FBXO40: variants seen among roughly 807,000 people sequenced by gnomAD.
FBXO40 encodes the protein F-box only protein 40.
In FBXO40, 50 loss-of-function variants were observed where a neutral mutation model predicts 49.9. The observed-to-expected ratio is 1.00, with a 90% CI of 0.80 to 1.27. FBXO40 has a LOEUF of 1.27. Among genes scored for constraint, FBXO40 ranks in the 50% most tolerant of loss-of-function variants. FBXO40 has a pLI of 0.00. For missense variants in FBXO40, 895 were observed against 870.1 expected (o/e 1.03, Z -0.36); for synonymous variants, 340 against 320.2 (o/e 1.06, Z -0.66).
intron 1 of FBXO40, among the ~76,000 whole-genome samples, chr3:121,611,283 T>A (rs6783545): frequency 0.7 from 105,763 of 152,100 alleles, 37,201 homozygotes; most frequent in East Asian, 0.83. Context: ...CTCAGTTTTT[T>A]CTGATTATTA....
chr3:121,617,367 G>A (rs376694427), intron 1 of FBXO40, among the ~76,000 whole-genome samples: 7 of 151,004 alleles, frequency 4.6e-5, no homozygotes, highest in Admixed American at 1.3e-4. Flanking sequence ...AGGCTGAGGC[G>A]GGCGGATCAC....
intron 1 of FBXO40, among the ~76,000 whole-genome samples, chr3:121,617,754 C>T (rs1274611972): frequency 1.3e-5 from 2 of 152,156 alleles, no homozygotes; most frequent in South Asian, 2.1e-4. Context: ...AATCTCAGCA[C>T]TTTTGGAGGC....
chr3:121,610,140 T>C (rs774503961), intron 1 of FBXO40, among the ~76,000 whole-genome samples: 14 of 152,318 alleles, frequency 9.2e-5, no homozygotes, highest in Non-Finnish European at 1.2e-4. Flanking sequence ...CAGGGCACAG[T>C]GGCTCGGAGG....
At chr3:121,594,921 G>A (rs548358367) in intron 1 of FBXO40, among the ~76,000 whole-genome samples, 9 of 152,252 alleles carry the variant, frequency 5.9e-5, no homozygotes, top group South Asian at 4.1e-4. Context: ...ATAGTTTCTC[G>A]CTTCTGGAAT....
chr3:121,619,301 G>C (rs757002320), intron 1 of FBXO40, among the ~76,000 whole-genome samples: 1 of 151,856 alleles, frequency 6.6e-6, no homozygotes, highest in Non-Finnish European at 1.5e-5. Context: ...GAGCCATTGC[G>C]CCTGGCCAAA....
chr3:121,594,355 C>T (rs1337410489), intron 1 of FBXO40, among the ~76,000 whole-genome samples: 1 of 151,824 alleles, frequency 6.6e-6, no homozygotes, highest in African/African-American at 2.4e-5. Flanking sequence ...CCTGTGCCAC[C>T]ACGCCTGGCT....
Position 121,623,109 on chromosome 3 carries a change from C to T in FBXO40, c.1680C>T (p.Asn560=). Residue 560 remains asparagine, a synonymous_variant, in exon 3 of 4, where the codon AAC becomes AAT. Coordinates refer to ENST00000338040, the MANE Select transcript of FBXO40 (RefSeq NM_016298.4). ...AGCTGAGCGAGGGAAGGAAGAACAA[C>T]CATCTTTTGGGTCATGGAGGAAAAA... ...APELSEGRKN[N]HLLGHGGKSQ... The T allele has an allele frequency of 1.2e-6, 2 of 1,614,228 alleles. No individual in the cohort carries two copies. Among genetic ancestry groups the T allele is most frequent in the Non-Finnish European group, 1.7e-6 (2 of 1,180,038 alleles).
chr3:121,619,147 G>GC lies in FBXO40; in HGVS notation c.-30-1398dup, dbSNP rs200641478. Among the ~76,000 whole-genome samples, 16 of 151,080 alleles carry GC rather than the reference G, an allele frequency of 1.1e-4. 1 individual carries two copies. In the East Asian group the frequency reaches 1.9e-3, roughly 18 times the overall value. On this transcript the variant is annotated intron_variant, in intron 1 of 3. Transcript: ENST00000338040. The stretch of plus-strand genomic sequence containing the variant: ...CTCAAGTAGCTGGGACCATAGGCGT[G>GC]CACCACCATGCCCCGCTAATTTTTT...
At chr3:121,624,609 G>A (rs2049052166) in intron 3 of FBXO40, among the ~76,000 whole-genome samples, 1 of 152,140 alleles carries the variant, frequency 6.6e-6, no homozygotes. Context: ...TGGGAGGAAG[G>A]GAAGAATGAC....
chr3:121,618,057 G>A (rs1451162909), intron 1 of FBXO40, among the ~76,000 whole-genome samples: 3 of 152,066 alleles, frequency 2.0e-5, no homozygotes, highest in Non-Finnish European at 4.4e-5. Flanking sequence ...TGTTTGAGGT[G>A]ATGGATATCC....
chr3:121,609,043 C>T (rs2048950343), intron 1 of FBXO40, among the ~76,000 whole-genome samples: 2 of 152,036 alleles, frequency 1.3e-5, no homozygotes, highest in Non-Finnish European at 2.9e-5. Context: ...TTGCCCAAAT[C>T]CAGGCACCCA....
intron 3 of FBXO40, 102 bp from the exon 4 acceptor site, chr3:121,626,593 G>T: frequency 9.6e-7 from 1 of 1,039,006 alleles, no homozygotes. Context: ...TGGAGTCTAA[G>T]AATATGAAGA....
rs1035955421 is a variant in FBXO40, at chr3:121,606,516, C to A, written c.-31+13014C>A. Reference sequence around the variant, plus strand: ...GTTAAATACCCTAGTTGAACTGAAACAGAATTTTCCTCTCATGTGGGGAGG... The same window carrying A: ...GTTAAATACCCTAGTTGAACTGAAAAAGAATTTTCCTCTCATGTGGGGAGG... On this transcript the variant is annotated intron_variant, in intron 1 of 3. Transcript: ENST00000338040. Among the ~76,000 whole-genome samples, 31 of 152,160 alleles carry A rather than the reference C, an allele frequency of 2.0e-4. 1 individual carries two copies. Among genetic ancestry groups the A allele is most frequent in the Non-Finnish European group, 4.6e-4 (31 of 68,020 alleles).
Sources: gnomAD v4.1 joint callset for allele counts (sites outside exome capture counted in the v4.1 genomes callset) on GRCh38, gnomAD v4.1.1 for gene constraint, MANE v1.5 for transcripts, NCBI Gene and HGNC (gene_info 2026-07-23, HGNC 2026-07-21) for gene names.